MDGA2: variants seen among roughly 807,000 people sequenced by gnomAD.
MDGA2 encodes MAM domain containing glycosylphosphatidylinositol anchor 2.
MDGA2 carries 40 observed loss-of-function variants against 117.8 expected under a neutral mutation model. That is an observed-to-expected ratio of 0.34 (90% CI 0.26 to 0.44). The LOEUF (loss-of-function observed/expected upper bound fraction) is 0.44. Among genes scored for constraint, MDGA2 ranks in the 20% least tolerant of loss-of-function variants. MDGA2 has a pLI of 1.00. For synonymous variants in MDGA2, 452 were observed against 439.0 expected (o/e 1.03, Z -0.37); for missense variants, 1,123 against 1,250.6 (o/e 0.90, Z 1.54).
chr14:47,496,955 C>G (rs1894294412), intron 1 of MDGA2, among the ~76,000 whole-genome samples: 1 of 151,930 alleles, frequency 6.6e-6, no homozygotes, highest in East Asian at 1.9e-4. Context: ...TCATAAGGAG[C>G]AGGCAAATTA....
At position 47,541,212 on chromosome 14, in the gene MDGA2, G is replaced by A. The variant is rs76843748; in HGVS notation, c.280+133305C>T. 4.2e-3 allele frequency among the ~76,000 whole-genome samples: 643 copies of A among 152,300 alleles called. 1 individual carries two copies. Among genetic ancestry groups the A allele is most frequent in the Non-Finnish European group, 5.5e-3 (376 of 68,014 alleles). On this transcript the variant is annotated intron_variant, in intron 1 of 16. Coordinates refer to ENST00000399232, the MANE Select transcript of MDGA2 (RefSeq NM_001113498.3). ...GTGACCATATAGGAATAAGAATCAT[G>A]TATTGTCATTTTCAGACTTTTCAAA...
intron 3 of MDGA2, among the ~76,000 whole-genome samples, chr14:47,165,725 C>T (rs945194781): frequency 2.6e-5 from 4 of 152,056 alleles, no homozygotes; most frequent in African/African-American, 7.2e-5. Flanking sequence ...TAGGCCTTTG[C>T]CAAAACTGAT....
At chr14:47,625,748 A>G (rs917026596) in intron 1 of MDGA2, among the ~76,000 whole-genome samples, 1 of 152,212 alleles carries the variant, frequency 6.6e-6, no homozygotes, top group Non-Finnish European at 1.5e-5. Flanking sequence ...TTTATTTCTC[A>G]GGACTAACAA....
intron 1 of MDGA2, among the ~76,000 whole-genome samples, chr14:47,632,462 T>G (rs112839804): frequency 1.7e-3 from 257 of 152,324 alleles, no homozygotes; most frequent in Non-Finnish European, 2.7e-3. Context: ...GTTCATTCCC[T>G]CTACTCCAAT....
intron 1 of MDGA2, among the ~76,000 whole-genome samples, chr14:47,498,172 A>C (rs956983225): frequency 2.0e-5 from 3 of 152,194 alleles, no homozygotes; most frequent in Non-Finnish European, 4.4e-5. Context: ...AACTAGGTCT[A>C]CTGGACAGGA....
chr14:47,616,700 T>C (rs1312047421), intron 1 of MDGA2, among the ~76,000 whole-genome samples: 1 of 152,110 alleles, frequency 6.6e-6, no homozygotes, highest in Non-Finnish European at 1.5e-5. Flanking sequence ...AAGCATAACA[T>C]AAAAATAGAA....
chr14:47,540,472 TTTTC>T (rs547893726), intron 1 of MDGA2, among the ~76,000 whole-genome samples: 12 of 151,008 alleles, frequency 7.9e-5, no homozygotes, highest in South Asian at 2.1e-4. Flanking sequence ...CTCCCCTATT[TTTTC>T]TTTCTGTGTG....
In MDGA2 at chr14:47,441,414, A is replaced by G. The variant is rs181441236; in HGVS notation, c.281-139864T>C. On this transcript the variant is annotated intron_variant, in intron 1 of 16. Coordinates refer to ENST00000399232, the MANE Select transcript of MDGA2 (RefSeq NM_001113498.3). Reference sequence around the variant, plus strand: ...CACTGACCAACTGAGGTTGCTCAAAATGCACATTTGTGCAAAAGCGCAAAT... The same window carrying G: ...CACTGACCAACTGAGGTTGCTCAAAGTGCACATTTGTGCAAAAGCGCAAAT... 8.7e-4 allele frequency among the ~76,000 whole-genome samples: 132 copies of G among 152,318 alleles called. 1 individual carries two copies. Among genetic ancestry groups the G allele is most frequent in the African/African-American group, 3.1e-3 (129 of 41,578 alleles).
intron 9 of MDGA2, among the ~76,000 whole-genome samples, chr14:46,926,079 G>A (rs574165780): frequency 4.6e-5 from 7 of 152,280 alleles, no homozygotes; most frequent in African/African-American, 1.7e-4. Context: ...GGAAAAATAT[G>A]TCAGTGCTAA....
Position 47,223,406 on chromosome 14 carries a change from T to C in MDGA2, c.421-5211A>G, listed in dbSNP as rs112032672. ...CTCATCAGCATTTATTTTAATTTAA[T>C]GTTGGTTTGGGCTGTATCGTAAACT... On this transcript the variant is annotated intron_variant, in intron 2 of 16. Coordinates refer to ENST00000399232, the MANE Select transcript of MDGA2 (RefSeq NM_001113498.3). Among the ~76,000 whole-genome samples the C allele has an allele frequency of 2.6e-5, 4 of 152,302 alleles. 1 individual carries two copies. Among genetic ancestry groups the C allele is most frequent in the African/African-American group, 9.6e-5 (4 of 41,562 alleles).
chr14:47,089,615 T>A (rs78305042), intron 6 of MDGA2, among the ~76,000 whole-genome samples: 2 of 152,066 alleles, frequency 1.3e-5, no homozygotes, highest in Non-Finnish European at 2.9e-5. Context: ...GTATTTTTTT[T>A]ATTATACTTT....
At chr14:47,284,543 G>C (rs1888606423) in intron 2 of MDGA2, among the ~76,000 whole-genome samples, 1 of 152,072 alleles carries the variant, frequency 6.6e-6, no homozygotes, top group Non-Finnish European at 1.5e-5. Context: ...TTGTCAACCT[G>C]ATACTATTTG....
rs560496055 is a variant in MDGA2, at chr14:47,067,405, T to TC, written c.1196-5828dup. Among the ~76,000 whole-genome samples the TC allele has an allele frequency of 7.9e-5, 12 of 152,294 alleles. No homozygotes were observed. The South Asian group carries it at 2.3e-3, about 29-fold the overall frequency. ...TTCCATTCTTAATATTGTAGGCATT[T>TC]CCCTTATGAGCATCACGAAATAATC... On this transcript the variant is annotated intron_variant, in intron 6 of 16. Transcript: ENST00000399232.
At chr14:46,999,867 C>A (rs1887440586) in intron 8 of MDGA2, among the ~76,000 whole-genome samples, 1 of 152,012 alleles carries the variant, frequency 6.6e-6, no homozygotes, top group Admixed American at 6.6e-5. Flanking sequence ...CATGTAAGAT[C>A]ATCTGCTCTG....
chr14:47,126,512 G>A (rs1033659012), intron 5 of MDGA2, among the ~76,000 whole-genome samples: 2 of 152,044 alleles, frequency 1.3e-5, no homozygotes, highest in African/African-American at 4.8e-5. Context: ...TTCTCTGGCT[G>A]ATATACAATT....
intron 7 of MDGA2, among the ~76,000 whole-genome samples, chr14:47,060,125 T>G (rs1889830138): frequency 6.6e-6 from 1 of 152,134 alleles, no homozygotes; most frequent in Non-Finnish European, 1.5e-5. Flanking sequence ...CTAGCTTTTT[T>G]TTAAGCTAGA....
intron 1 of MDGA2, among the ~76,000 whole-genome samples, chr14:47,322,790 T>C (rs1185475008): frequency 6.6e-6 from 1 of 152,162 alleles, no homozygotes; most frequent in East Asian, 1.9e-4. Flanking sequence ...ATCTGAAGTC[T>C]GAATATTTTT....
chr14:47,619,792 C>T (rs1264995684), intron 1 of MDGA2, among the ~76,000 whole-genome samples: 1 of 152,214 alleles, frequency 6.6e-6, no homozygotes, highest in African/African-American at 2.4e-5. Context: ...ACACTTTTCA[C>T]CACAGACAAT....
intron 1 of MDGA2, among the ~76,000 whole-genome samples, chr14:47,370,973 C>T (rs1566758335): frequency 6.6e-6 from 1 of 151,784 alleles, no homozygotes; most frequent in African/African-American, 2.4e-5. Context: ...TATTCTACAC[C>T]TAGTTGATAG....
Sources: allele counts gnomAD v4.1 joint callset (sites outside exome capture counted in the v4.1 genomes callset), GRCh38; gene constraint gnomAD v4.1.1; transcripts MANE v1.5; gene names NCBI Gene and HGNC (gene_info 2026-07-23, HGNC 2026-07-21).